Variants in EIF3A observed in about 807,000 individuals in gnomAD.
EIF3A encodes the protein eukaryotic translation initiation factor 3 subunit A.
A neutral mutation model predicts 186.6 loss-of-function variants in EIF3A; 21 were observed. The observed-to-expected ratio is 0.11, with a 90% confidence interval of 0.08 to 0.16. EIF3A has a LOEUF of 0.16. EIF3A is among the 10% of genes least tolerant of loss of function. The pLI is 1.00. For synonymous variants in EIF3A, 563 were observed against 584.3 expected, an observed-to-expected ratio of 0.96 and a Z score of 0.52; for missense variants, 1,306 against 1,796.3, an observed-to-expected ratio of 0.73 and a Z score of 4.93.
intron 1 of EIF3A, among the ~76,000 whole-genome samples, chr10:119,079,898 C>T (rs1286527790): frequency 6.6e-6 from 1 of 152,170 alleles, no homozygotes; most frequent in Non-Finnish European, 1.5e-5. Context: ...TAAGAGGCGA[C>T]CTGAAGTCCC....
chr10:119,061,701 T>C (rs1410478745), intron 7 of EIF3A, among the ~76,000 whole-genome samples: 1 of 152,206 alleles, frequency 6.6e-6, no homozygotes, highest in Non-Finnish European at 1.5e-5. Flanking sequence ...AAAATTATCA[T>C]GGCAGCACTA....
chr10:119,062,666 C>CAGAA (rs1177637729), intron 7 of EIF3A, among the ~76,000 whole-genome samples: 2 of 151,480 alleles, frequency 1.3e-5, no homozygotes, highest in African/African-American at 4.9e-5. Context: ...TCAAATTCTA[C>CAGAA]TTCCAGCCAA....
intron 6 of EIF3A, among the ~76,000 whole-genome samples, chr10:119,068,312 T>C (rs1564759330): frequency 2.0e-5 from 3 of 152,244 alleles, no homozygotes; most frequent in Non-Finnish European, 2.9e-5. Context: ...TATGTATTTA[T>C]ATGAGAATAA....
intron 16 of EIF3A, 43 bp downstream of exon 16, chr10:119,050,478 A>C: frequency 6.3e-7 from 1 of 1,585,422 alleles, no homozygotes; most frequent in South Asian, 1.1e-5. Context: ...TCTTAACACC[A>C]ACCTTGCATT....
Position 119,071,038 on chromosome 10 carries a change from G to A in EIF3A, c.589C>T (p.Leu197=). 3 of 1,614,172 alleles carry A rather than the reference G, an allele frequency of 1.9e-6. No individual in the cohort carries two copies. Among genetic ancestry groups the A allele is most frequent in the South Asian group, 1.1e-5 (1 of 91,082 alleles). ...AAGTGCATTCTCAAATTGTCACACA[G>A]TTTACGGAATTCAGCCTTACGCGTG... is the stretch of plus-strand genomic sequence containing the variant. ...QYTRKAEFRK[L]CDNLRMHLSQ... The change falls in exon 5 of 22, where the codon CTG becomes TTG. Residue 197 remains leucine, a synonymous_variant. Coordinates refer to ENST00000369144, the MANE Select transcript of EIF3A (RefSeq NM_003750.4).
In EIF3A at chr10:119,076,942, A is replaced by AAG. The variant is rs1344306472; in HGVS notation, c.50-3006_50-3005insCT. On this transcript the variant is annotated intron_variant, in intron 1 of 21. Coordinates refer to ENST00000369144, the MANE Select transcript of EIF3A (RefSeq NM_003750.4). ...TAGAGGGAGAGACTCTGTCTCAAAA[A>AAG]AAAAAAAAAAAGAAAATGTAACAGT... Among the ~76,000 whole-genome samples, 6 of 151,456 alleles carry AAG rather than the reference A, an allele frequency of 4.0e-5. No homozygotes were observed. In the East Asian group the frequency reaches 1.2e-3, roughly 29 times the overall value.
chr10:119,055,209 CAAAT>C (rs1179306916), intron 14 of EIF3A, among the ~76,000 whole-genome samples: 1 of 151,978 alleles, frequency 6.6e-6, no homozygotes, highest in Non-Finnish European at 1.5e-5. Context: ...AACTCTGTCT[CAAAT>C]AAATATATAC....
chr10:119,079,597 A>C (rs953463903), intron 1 of EIF3A, among the ~76,000 whole-genome samples: 15 of 151,924 alleles, frequency 9.9e-5, no homozygotes, highest in African/African-American at 3.4e-4. Flanking sequence ...GAAAAAAAAA[A>C]CCCTACACAA....
chr10:119,049,785 T>C lies in EIF3A; in HGVS notation c.2658+16A>G, dbSNP rs1362047297. 2 of 1,587,066 alleles carry C rather than the reference T, an allele frequency of 1.3e-6. No individual in the cohort carries two copies. The highest frequency in any genetic ancestry group is 1.7e-6 in the Non-Finnish European group (2 of 1,166,544). ...TCACATTAAAACAAAATAAAATCAA[T>C]AAACCCTATACTCACCTTTCTAGAA... is the stretch of plus-strand genomic sequence containing the variant. On this transcript the variant is annotated intron_variant, in intron 17 of 21. Transcript: ENST00000369144.
chr10:119,041,879 G>A (rs1235750083), intron 19 of EIF3A, 115 bp downstream of exon 19: 19 of 1,147,480 alleles, frequency 1.7e-5, no homozygotes, highest in Non-Finnish European at 2.2e-5. Context: ...GATACTGAAG[G>A]AAAGATGAAA....
Position 119,049,614 on chromosome 10 carries a change from T to TGA in EIF3A, c.2658+186_2658+187insTC. 2.0e-5 allele frequency among the ~76,000 whole-genome samples: 3 copies of TGA among 151,864 alleles called. No homozygotes were observed. In the Middle Eastern group the frequency reaches 0.01, roughly 520 times the overall value. On this transcript the variant is annotated intron_variant, in intron 17 of 21. Coordinates refer to ENST00000369144, the MANE Select transcript of EIF3A (RefSeq NM_003750.4). ...CACAATTACAAAAATCAGCCAGGCATGGTGGTATGCACCTGTAATCTCAGC... is the reference window on the plus strand; with the variant it reads ...CACAATTACAAAAATCAGCCAGGCATGAGGTGGTATGCACCTGTAATCTCAGC...
chr10:119,077,474 A>T (rs1232444328), intron 1 of EIF3A, among the ~76,000 whole-genome samples: 1 of 152,052 alleles, frequency 6.6e-6, no homozygotes, highest in African/African-American at 2.4e-5. Context: ...AATAGTTGGA[A>T]TGGGAACAGA....
intron 6 of EIF3A, among the ~76,000 whole-genome samples, chr10:119,066,945 GC>G (rs1163168080): frequency 6.6e-5 from 10 of 152,312 alleles, no homozygotes; most frequent in African/African-American, 1.2e-4. Flanking sequence ...AGGCGCAGTG[GC>G]TCATGCCTGT....
chr10:119,076,115 G>A lies in EIF3A; in HGVS notation c.50-2178C>T, dbSNP rs1474559209. Among the ~76,000 whole-genome samples the A allele has an allele frequency of 4.0e-5, 6 of 150,350 alleles. No homozygotes were observed. The East Asian group carries it at 8.0e-4, about 20-fold the overall frequency. On this transcript the variant is annotated intron_variant, in intron 1 of 21. Transcript: ENST00000369144. Reference sequence around the variant, plus strand: ...GCACTTTGGGAGGCGGGTGGATCACGAGGTCAGGAGATCGAGACCATCCTG... The same window carrying A: ...GCACTTTGGGAGGCGGGTGGATCACAAGGTCAGGAGATCGAGACCATCCTG...
At chr10:119,057,264 A>T (rs1371292597) in intron 12 of EIF3A, among the ~76,000 whole-genome samples, 1 of 152,170 alleles carries the variant, frequency 6.6e-6, no homozygotes, top group Non-Finnish European at 1.5e-5. Flanking sequence ...ATCTACCCAG[A>T]CTCTACTAAA....
chr10:119,054,251 T>C (rs1379474097), intron 14 of EIF3A, among the ~76,000 whole-genome samples: 4 of 152,108 alleles, frequency 2.6e-5, no homozygotes, highest in African/African-American at 9.7e-5. Flanking sequence ...TCTCAGCTAT[T>C]TGTATTATTA....
intron 17 of EIF3A, 23 bp from the exon 18 acceptor site, chr10:119,044,165 A>C (rs1308351812): frequency 7.9e-6 from 12 of 1,511,930 alleles, no homozygotes; most frequent in South Asian, 7.9e-5. Flanking sequence ...AGTGAAAAAG[A>C]AGCATTACAT....
intron 14 of EIF3A, among the ~76,000 whole-genome samples, chr10:119,055,515 C>T (rs1396872986): frequency 3.3e-5 from 5 of 151,944 alleles, no homozygotes; most frequent in Non-Finnish European, 4.4e-5. Context: ...AACAGACTTG[C>T]TCAATGCAAG....
chr10:119,075,228 G>A (rs920338297), intron 1 of EIF3A, among the ~76,000 whole-genome samples: 2 of 151,806 alleles, frequency 1.3e-5, no homozygotes, highest in African/African-American at 2.4e-5. Flanking sequence ...CCAAAGTGCT[G>A]GGATTACAGG....
Sources: gnomAD v4.1 joint callset for allele counts (sites outside exome capture counted in the v4.1 genomes callset) on GRCh38, gnomAD v4.1.1 for gene constraint, MANE v1.5 for transcripts, NCBI Gene and HGNC (gene_info 2026-07-23, HGNC 2026-07-21) for gene names.